LOC128125818: variants seen among roughly 807,000 people sequenced by gnomAD.
the LOC128125818 span, chr4:6,065,071 T>C: frequency 4.4e-6 from 7 of 1,603,464 alleles, no homozygotes; most frequent in African/African-American, 6.7e-5. This position sits in a 1 kb window ranked among gnomAD's most constrained non-coding sequence, Gnocchi z 5.1. Flanking sequence ...TACCAGTCCC[T>C]GGTCGTGGGC....
chr4:6,066,688 C>A, the LOC128125818 span, among the ~76,000 whole-genome samples: 3 of 151,588 alleles, frequency 2.0e-5, no homozygotes, highest in African/African-American at 7.3e-5. Context: ...TGGGAGAAAC[C>A]CTGTTGTCTT....
chr4:6,065,052 G>C, the LOC128125818 span: 1 of 1,612,088 alleles, frequency 6.2e-7, no homozygotes, highest in Non-Finnish European at 8.5e-7. The surrounding 1 kb of genome is among the most constrained non-coding windows in gnomAD (Gnocchi z 5.1). Context: ...ACTGAGGATT[G>C]CCAGAGTCTA....
chr4:6,066,247 G>A, the LOC128125818 span, among the ~76,000 whole-genome samples: 2 of 152,052 alleles, frequency 1.3e-5, no homozygotes, highest in African/African-American at 4.8e-5. Context: ...TGAGAAAAAT[G>A]TGACTGGCAC....
At chr4:6,069,134 G>A in the LOC128125818 span, among the ~76,000 whole-genome samples, 30 of 152,210 alleles carry the variant, frequency 2.0e-4, no homozygotes, top group Non-Finnish European at 3.1e-4. The surrounding 1 kb of genome is among the most constrained non-coding windows in gnomAD (Gnocchi z 4.5). Context: ...AAAAAATGCA[G>A]GAAATAATTC....
chr4:6,069,859 G>T, the LOC128125818 span, among the ~76,000 whole-genome samples: 1 of 152,128 alleles, frequency 6.6e-6, no homozygotes, highest in South Asian at 2.1e-4. The surrounding 1 kb of genome is among the most constrained non-coding windows in gnomAD (Gnocchi z 4.5). Flanking sequence ...CAGCGGGTCA[G>T]ATGAAGCAGA....
the LOC128125818 span, among the ~76,000 whole-genome samples, chr4:6,065,558 G>A: frequency 8.5e-5 from 13 of 152,244 alleles, no homozygotes; most frequent in African/African-American, 3.1e-4. This position sits in a 1 kb window ranked among gnomAD's most constrained non-coding sequence, Gnocchi z 5.1. Flanking sequence ...TCTGACTAGT[G>A]TGGCAAATGT....
the LOC128125818 span, among the ~76,000 whole-genome samples, chr4:6,066,812 G>A: frequency 6.6e-6 from 1 of 151,954 alleles, no homozygotes; most frequent in Non-Finnish European, 1.5e-5. Context: ...CAACATCCAG[G>A]CAGGCTACAA....
chr4:6,066,259 A>G, the LOC128125818 span, among the ~76,000 whole-genome samples: 9 of 152,146 alleles, frequency 5.9e-5, no homozygotes, highest in Admixed American at 5.9e-4. Context: ...GACTGGCACC[A>G]GAGTTAATAA....
At chr4:6,069,481 G>A in the LOC128125818 span, among the ~76,000 whole-genome samples, 33 of 152,304 alleles carry the variant, frequency 2.2e-4, no homozygotes, top group African/African-American at 7.5e-4. The surrounding 1 kb of genome is among the most constrained non-coding windows in gnomAD (Gnocchi z 4.5). Context: ...GGGCACAGTG[G>A]CTCATGCCTG....
At chr4:6,064,981 A>G in the LOC128125818 span, 1 of 1,614,102 alleles carries the variant, frequency 6.2e-7, no homozygotes, top group Non-Finnish European at 8.5e-7. The surrounding 1 kb of genome is among the most constrained non-coding windows in gnomAD (Gnocchi z 4.3). Context: ...TCCTCATCAA[A>G]TCCAAAAAAT....
At chr4:6,067,634 A>G in the LOC128125818 span, among the ~76,000 whole-genome samples, 4 of 147,690 alleles carry the variant, frequency 2.7e-5, no homozygotes, top group Non-Finnish European at 6.1e-5. The surrounding 1 kb of genome is among the most constrained non-coding windows in gnomAD (Gnocchi z 4.6). Flanking sequence ...GGTTCACTCA[A>G]GCTCTTCTGC....
At chr4:6,069,596 T>C in the LOC128125818 span, among the ~76,000 whole-genome samples, 1 of 151,842 alleles carries the variant, frequency 6.6e-6, no homozygotes, top group Non-Finnish European at 1.5e-5. This position sits in a 1 kb window ranked among gnomAD's most constrained non-coding sequence, Gnocchi z 4.5. Flanking sequence ...AAAAAGTTAT[T>C]TAAAAAGTTA....
the LOC128125818 span, among the ~76,000 whole-genome samples, chr4:6,069,893 A>C: frequency 2.0e-5 from 3 of 151,930 alleles, no homozygotes; most frequent in African/African-American, 7.3e-5. The surrounding 1 kb of genome is among the most constrained non-coding windows in gnomAD (Gnocchi z 4.5). Context: ...GGTACCCCCA[A>C]AACAAATAGC....
chr4:6,070,120 A>G, the LOC128125818 span: 3 of 398,906 alleles, frequency 7.5e-6, no homozygotes, highest in Admixed American at 4.4e-5. Context: ...GCACAGAGAC[A>G]CAGGAAGAAA....
the LOC128125818 span, among the ~76,000 whole-genome samples, chr4:6,069,056 T>C: frequency 6.6e-6 from 1 of 152,204 alleles, no homozygotes; most frequent in Non-Finnish European, 1.5e-5. This position sits in a 1 kb window ranked among gnomAD's most constrained non-coding sequence, Gnocchi z 4.5. Context: ...AATATATTAA[T>C]GTTTAAAGTA....
chr4:6,069,671 T>G, the LOC128125818 span, among the ~76,000 whole-genome samples: 1 of 151,502 alleles, frequency 6.6e-6, no homozygotes, highest in Non-Finnish European at 1.5e-5. The surrounding 1 kb of genome is among the most constrained non-coding windows in gnomAD (Gnocchi z 4.5). Flanking sequence ...AAAGATTACT[T>G]GAGCCTGGGA....
At chr4:6,067,725 C>T in the LOC128125818 span, among the ~76,000 whole-genome samples, 3 of 111,270 alleles carry the variant, frequency 2.7e-5, no homozygotes, top group African/African-American at 7.4e-5. This position sits in a 1 kb window ranked among gnomAD's most constrained non-coding sequence, Gnocchi z 4.6. Context: ...CTGAGCTCCA[C>T]GTTCACTCAA....
the LOC128125818 span, among the ~76,000 whole-genome samples, chr4:6,069,231 A>C: frequency 6.6e-6 from 1 of 152,218 alleles, no homozygotes; most frequent in African/African-American, 2.4e-5. The surrounding 1 kb of genome is among the most constrained non-coding windows in gnomAD (Gnocchi z 4.5). Context: ...CTTTAAAAAA[A>C]ATGGCAAACA....
At chr4:6,066,286 T>G in the LOC128125818 span, among the ~76,000 whole-genome samples, 29 of 152,110 alleles carry the variant, frequency 1.9e-4, no homozygotes, top group African/African-American at 7.0e-4. Context: ...TAGGAAATAA[T>G]TCAGACATAA....
Sources: allele counts gnomAD v4.1 joint callset (sites outside exome capture counted in the v4.1 genomes callset), GRCh38; gene constraint gnomAD v4.1.1; non-coding constraint Gnocchi (gnomAD v3.1); transcripts MANE v1.5.